The following CADM1 variants were observed in gnomAD, a reference collection of about 807,000 sequenced individuals.
CADM1 encodes the protein cell adhesion molecule 1, also known as TSLC-1.
CADM1 carries 15 observed loss-of-function variants against 53.1 expected under a neutral mutation model. The observed-to-expected ratio is 0.28, with a 90% CI of 0.19 to 0.44. The LOEUF is 0.44. CADM1 is among the 20% of genes least tolerant of loss of function. The probability of loss-of-function intolerance (pLI) is 1.00; values close to 1 mark genes in which losing one functional copy is unlikely to be tolerated. For synonymous variants in CADM1, 281 were observed against 243.0 expected, an observed-to-expected ratio of 1.16 and a Z score of -1.45; for missense variants, 434 against 611.3, an observed-to-expected ratio of 0.71 and a Z score of 3.06.
intron 1 of CADM1, among the ~76,000 whole-genome samples, chr11:115,368,815 A>G (rs1946237433): frequency 6.6e-6 from 1 of 152,000 alleles, no homozygotes; most frequent in Admixed American, 6.6e-5. Flanking sequence ...TCCTATATCT[A>G]TGCTGTCCAA....
intron 10 of CADM1, among the ~76,000 whole-genome samples, chr11:115,180,824 G>C (rs980286342): frequency 6.6e-6 from 1 of 152,064 alleles, no homozygotes; most frequent in East Asian, 1.9e-4. Flanking sequence ...TTTTCCTTAG[G>C]GAGCTGTCAA....
chr11:115,384,942 TG>T (rs972857892), intron 1 of CADM1, among the ~76,000 whole-genome samples: 38 of 152,184 alleles, frequency 2.5e-4, no homozygotes, highest in African/African-American at 8.9e-4. Context: ...TTTCATGTTT[TG>T]GGGACAATAC....
chr11:115,335,264 G>A (rs925830109), intron 1 of CADM1, among the ~76,000 whole-genome samples: 12 of 151,922 alleles, frequency 7.9e-5, no homozygotes, highest in Admixed American at 1.3e-4. Context: ...TAAACCCATC[G>A]CGTGTTAACA....
intron 9 of CADM1, among the ~76,000 whole-genome samples, chr11:115,194,268 C>G (rs1181825729): frequency 1.3e-5 from 2 of 152,150 alleles, no homozygotes; most frequent in Admixed American, 6.5e-5. Context: ...GGCTATGTTT[C>G]TTTAAAATGG....
intron 1 of CADM1, among the ~76,000 whole-genome samples, chr11:115,408,769 A>C (rs1261465282): frequency 6.6e-6 from 1 of 152,230 alleles, no homozygotes; most frequent in Non-Finnish European, 1.5e-5. Context: ...TTATTTCATC[A>C]CACAGAAGCC....
chr11:115,426,697 C>A (rs1181047153), intron 1 of CADM1, among the ~76,000 whole-genome samples: 4 of 152,078 alleles, frequency 2.6e-5, no homozygotes, highest in Non-Finnish European at 5.9e-5. Flanking sequence ...CACCCACCCT[C>A]CCCTGCTTCC....
intron 1 of CADM1, among the ~76,000 whole-genome samples, chr11:115,484,829 C>G (rs761521569): frequency 6.4e-4 from 98 of 152,070 alleles, no homozygotes; most frequent in Non-Finnish European, 1.1e-3. Context: ...CGCCTGTAGT[C>G]CCAGCTACTC....
intron 1 of CADM1, among the ~76,000 whole-genome samples, chr11:115,423,345 C>A (rs220860): frequency 0.77 from 117,300 of 152,054 alleles, 45,514 homozygotes; most frequent in Middle Eastern, 0.83. Context: ...ATCTCTATGG[C>A]TTGTACTTGC....
At chr11:115,410,394 CT>C (rs1314144146) in intron 1 of CADM1, among the ~76,000 whole-genome samples, 1 of 152,106 alleles carries the variant, frequency 6.6e-6, no homozygotes, top group African/African-American at 2.4e-5. Flanking sequence ...CCCTTTAGTC[CT>C]CTATAATGTT....
At chr11:115,192,915 G>A (rs891944185) in intron 9 of CADM1, among the ~76,000 whole-genome samples, 16 of 152,140 alleles carry the variant, frequency 1.1e-4, no homozygotes, top group Admixed American at 2.0e-4. Flanking sequence ...CTCGGATTAC[G>A]TTCTAAAGCA....
rs547992337 is a variant in CADM1 at position 115,436,777 on chromosome 11, A to T, written c.124+67494T>A. Reference sequence around the variant, plus strand: ...TTCTGAAAGGGTGGGGCTTTGACATACTAATCTGCAATCCTCTTCCACTTG... The same window carrying T: ...TTCTGAAAGGGTGGGGCTTTGACATTCTAATCTGCAATCCTCTTCCACTTG... On this transcript the variant is annotated intron_variant, in intron 1 of 11. Coordinates refer to ENST00000331581, the MANE Select transcript of CADM1 (RefSeq NM_001301043.2). 1.9e-4 allele frequency among the ~76,000 whole-genome samples: 29 copies of T among 152,298 alleles called. 1 individual carries two copies. Among genetic ancestry groups the T allele is most frequent in the African/African-American group, 6.7e-4 (28 of 41,570 alleles).
chr11:115,393,066 C>CAAA (rs758785520), intron 1 of CADM1, among the ~76,000 whole-genome samples: 690 of 50,172 alleles, frequency 0.014, 4 homozygotes, highest in South Asian at 0.022. Flanking sequence ...CCATCTCTTC[C>CAAA]AAAAAAAAAA....
At chr11:115,451,667 T>C (rs2135349891) in intron 1 of CADM1, among the ~76,000 whole-genome samples, 1 of 152,266 alleles carries the variant, frequency 6.6e-6, no homozygotes, top group African/African-American at 2.4e-5. Context: ...ACATGAGCAA[T>C]CCCCACAGAG....
chr11:115,169,408 T>A lies in CADM1; in HGVS notation c.*7066A>T. Reference sequence around the variant, plus strand: ...GCTACATTTCTGGCTGTGTTAAGAATCAAGCCATCAAGAACAGCTGTGAAT... The same window carrying A: ...GCTACATTTCTGGCTGTGTTAAGAAACAAGCCATCAAGAACAGCTGTGAAT... On this transcript the variant is annotated 3_prime_UTR_variant, in exon 12 of 12. Transcript: ENST00000331581. The A allele has an allele frequency of 2.8e-6, 1 of 352,002 alleles. No individual in the cohort carries two copies. The highest frequency in any genetic ancestry group is 2.2e-5 in the South Asian group (1 of 45,824). 21.8% of individuals were successfully genotyped at this position (352,002 alleles called of 1,614,324 possible). A position where few individuals can be genotyped will look rare whatever the true frequency, so the allele number is the denominator to read the frequency against.
rs1201403882 is a variant in CADM1, at chr11:115,169,399, T to C, written c.*7075A>G. The C allele has an allele frequency of 1.7e-5, 6 of 345,046 alleles. No individual in the cohort carries two copies. Among genetic ancestry groups the C allele is most frequent in the Non-Finnish European group, 3.4e-5 (6 of 174,248 alleles). 21.4% of individuals were successfully genotyped at this position (345,046 alleles called of 1,614,324 possible). On this transcript the variant is annotated 3_prime_UTR_variant, in exon 12 of 12. Coordinates refer to ENST00000331581, the MANE Select transcript of CADM1 (RefSeq NM_001301043.2). Reference sequence around the variant, plus strand: ...ATCTCCCGGGCTACATTTCTGGCTGTGTTAAGAATCAAGCCATCAAGAACA... The same window carrying C: ...ATCTCCCGGGCTACATTTCTGGCTGCGTTAAGAATCAAGCCATCAAGAACA...
chr11:115,386,805 C>T (rs1946710742), intron 1 of CADM1, among the ~76,000 whole-genome samples: 1 of 152,158 alleles, frequency 6.6e-6, no homozygotes, highest in South Asian at 2.1e-4. Context: ...TTGGAGGAGA[C>T]AAACATTCAA....
chr11:115,443,796 G>A (rs1006279598), intron 1 of CADM1, among the ~76,000 whole-genome samples: 1 of 152,220 alleles, frequency 6.6e-6, no homozygotes, highest in African/African-American at 2.4e-5. Flanking sequence ...GGTATCCACA[G>A]TACCAAGATT....
intron 1 of CADM1, among the ~76,000 whole-genome samples, chr11:115,449,188 C>T (rs901369774): frequency 6.6e-6 from 1 of 152,186 alleles, no homozygotes; most frequent in African/African-American, 2.4e-5. Context: ...TGGAATGGAA[C>T]CTGCCAGGTA....
At chr11:115,490,392 ATTTT>A (rs35633504) in intron 1 of CADM1, among the ~76,000 whole-genome samples, 1 of 109,304 alleles carries the variant, frequency 9.1e-6, no homozygotes. Flanking sequence ...GGAAGAACAG[ATTTT>A]TTTTTTTTTT....
Sources: gnomAD v4.1 joint callset for allele counts (sites outside exome capture counted in the v4.1 genomes callset) on GRCh38, gnomAD v4.1.1 for gene constraint, MANE v1.5 for transcripts, NCBI Gene and HGNC (gene_info 2026-07-23, HGNC 2026-07-21) for gene names.